The following RAI1 variants were observed in gnomAD, a reference collection of about 807,000 sequenced individuals.
RAI1 encodes retinoic acid-induced protein 1.
In RAI1, 9 loss-of-function variants were observed where a neutral mutation model predicts 123.8. The ratio of observed to expected loss-of-function variants is 0.07; its 90% confidence interval spans 0.04 to 0.13. The LOEUF is 0.13. Among genes scored for constraint, RAI1 ranks in the 10% least tolerant of loss-of-function variants. The probability of loss-of-function intolerance (pLI) is 1.00; values close to 1 mark genes in which losing one functional copy is unlikely to be tolerated. For missense variants in RAI1, 2,256 were observed against 2,545.8 expected, an observed-to-expected ratio of 0.89 and a Z score of 2.45; for synonymous variants, 1,231 against 1,127.3, an observed-to-expected ratio of 1.09 and a Z score of -1.84.
chr17:17,804,308 T>C (rs945270755), intron 4 of RAI1, among the ~76,000 whole-genome samples: 1 of 152,150 alleles, frequency 6.6e-6, no homozygotes, highest in African/African-American at 2.4e-5. Flanking sequence ...CTGAGACCCA[T>C]GGAGCAATTG....
At chr17:17,764,909 A>G (rs763054771) in intron 2 of RAI1, among the ~76,000 whole-genome samples, 1 of 152,208 alleles carries the variant, frequency 6.6e-6, no homozygotes, top group East Asian at 1.9e-4. Context: ...TTTACTATTT[A>G]TGAGACCTAT....
At position 17,809,144 on chromosome 17, in the gene RAI1, AG is replaced by A; in HGVS notation, c.5660-241del. 1.7e-6 allele frequency: 1 copy of A among 586,532 alleles called. No individual in the cohort carries two copies. The highest frequency in any genetic ancestry group is 3.1e-6 in the Non-Finnish European group (1 of 323,780). 36.3% of individuals were successfully genotyped at this position (586,532 alleles called of 1,614,324 possible). On this transcript the variant is annotated intron_variant, in intron 4 of 5. Coordinates refer to ENST00000353383, the MANE Select transcript of RAI1 (RefSeq NM_030665.4). This position sits in a 1 kb window ranked among gnomAD's most constrained non-coding sequence, Gnocchi z 4.9. ...TGAGGAGGGGCGGCACGTGGAACTCAGGGGGAAAAGCTCTCCGCGGAGGAGG... is the reference window on the plus strand; with the variant it reads ...TGAGGAGGGGCGGCACGTGGAACTCAGGGGAAAAGCTCTCCGCGGAGGAGG...
chr17:17,787,521 T>C (rs2031868784), intron 2 of RAI1, among the ~76,000 whole-genome samples: 1 of 152,216 alleles, frequency 6.6e-6, no homozygotes, highest in African/African-American at 2.4e-5. Context: ...GGTGAGCTCC[T>C]CCCGGCAGCC....
chr17:17,789,483 C>CTA (rs2031938678), intron 2 of RAI1, among the ~76,000 whole-genome samples: 2 of 152,212 alleles, frequency 1.3e-5, no homozygotes, highest in Admixed American at 1.3e-4. Flanking sequence ...CCTGTGAGAG[C>CTA]CGCTGGCCTT....
At chr17:17,745,405 T>TG (rs1555558993) in intron 2 of RAI1, among the ~76,000 whole-genome samples, 5 of 147,654 alleles carry the variant, frequency 3.4e-5, no homozygotes, top group African/African-American at 1.2e-4. Flanking sequence ...TTGAAGGCTT[T>TG]TGTGTGTGTG....
At position 17,793,072 on chromosome 17, in the gene RAI1, C is replaced by A; in HGVS notation, c.124C>A (p.Arg42=). ...GAGTCAGGCCGGGCTAAGCTGCGAC[C>A]GGCAGCGGCTGCTCGCCAAGGACTA... The part of the protein sequence containing the change: ...QPSQAGLSCD[R]QRLLAKDYYN... The change falls in exon 3 of 6, where the codon CGG becomes AGG. Residue 42 remains arginine, a synonymous_variant. Transcript: ENST00000353383. The A allele has an allele frequency of 6.2e-7, 1 of 1,613,898 alleles. No individual in the cohort carries two copies. Among genetic ancestry groups the A allele is most frequent in the Non-Finnish European group, 8.5e-7 (1 of 1,179,926 alleles).
chr17:17,758,130 C>T (rs550973084), intron 2 of RAI1, among the ~76,000 whole-genome samples: 1 of 152,328 alleles, frequency 6.6e-6, no homozygotes, highest in African/African-American at 2.4e-5. Context: ...ATTCCCCCTC[C>T]GAGCGTTTTA....
At chr17:17,807,644 C>T (rs907575478) in intron 4 of RAI1, among the ~76,000 whole-genome samples, 8 of 152,224 alleles carry the variant, frequency 5.3e-5, no homozygotes, top group South Asian at 2.1e-4. Flanking sequence ...ACTCCCGCCC[C>T]GTGCCCCATG....
In RAI1 at chr17:17,800,292, A is replaced by T. The variant is rs1265334632; in HGVS notation, c.5565+1779A>T. The stretch of plus-strand genomic sequence containing the variant: ...GTCTCTCCCGTCATCAAAAAATAAT[A>T]ACCCTCAGATCACCAGCCCCAGCTG... On this transcript the variant is annotated intron_variant, in intron 3 of 5. Coordinates refer to ENST00000353383, the MANE Select transcript of RAI1 (RefSeq NM_030665.4). The surrounding 1 kb of genome is among the most constrained non-coding windows in gnomAD (Gnocchi z 4.7). Among the ~76,000 whole-genome samples the T allele has an allele frequency of 6.6e-6, 1 of 150,438 alleles. No homozygotes were observed. The highest frequency in any genetic ancestry group is 1.5e-5 in the Non-Finnish European group (1 of 67,802).
chr17:17,780,036 A>G (rs899630571), intron 2 of RAI1, among the ~76,000 whole-genome samples: 24 of 142,186 alleles, frequency 1.7e-4, no homozygotes, highest in African/African-American at 6.3e-4. Context: ...CGGCCTCCCA[A>G]AGTGCTCGGA....
rs775570745 is a variant in RAI1 at position 17,798,088 on chromosome 17, A to C, written c.5140A>C (p.Lys1714Gln). Residue 1714 changes from lysine to glutamine, a missense_variant, in exon 3 of 6, where the codon AAA (lysine) becomes CAA (glutamine). Physicochemically the swap from Lys to Gln is moderately conservative, Grantham distance 53. Around this residue, in one of 7 missense-constraint regions of RAI1, gnomAD observed 243 missense variants for 316.6 expected, o/e 0.77. Transcript: ENST00000353383. ...GPYYPEHCLP[K>Q]KKPKLKEKVR... ...CTACTACCCTGAACACTGCCTCCCC[A>C]AAAAGAAGCCAAAACTCAAGGAGAA... The C allele has an allele frequency of 6.2e-7, 1 of 1,613,940 alleles. No homozygotes were observed. Among genetic ancestry groups the C allele is most frequent in the Non-Finnish European group, 8.5e-7 (1 of 1,180,026 alleles).
At chr17:17,792,884 C>T (rs1309274787) in intron 2 of RAI1, 49 bp from the exon 3 acceptor site, 3 of 738,418 alleles carry the variant, frequency 4.1e-6, no homozygotes, top group Middle Eastern at 3.3e-4. Context: ...CCTGCCCATC[C>T]TCCCCTCCCT....
intron 1 of RAI1, among the ~76,000 whole-genome samples, chr17:17,686,602 T>TGCGC (rs1555552144): frequency 1.4e-5 from 2 of 143,684 alleles, no homozygotes; most frequent in African/African-American, 5.4e-5. Flanking sequence ...TGTGTGTGTG[T>TGCGC]GTGTGTGCAC....
At chr17:17,774,909 C>T (rs1055871420) in intron 2 of RAI1, among the ~76,000 whole-genome samples, 19 of 152,254 alleles carry the variant, frequency 1.2e-4, no homozygotes, top group African/African-American at 4.1e-4. Context: ...TGCCCAAGCC[C>T]CCACAGCAAG....
intron 2 of RAI1, chr17:17,759,238 A>C (rs1198433502): frequency 3.3e-5 from 5 of 152,288 alleles, no homozygotes; most frequent in Admixed American, 1.3e-4. Flanking sequence ...AGAGAAGAAG[A>C]AGCGGGCAGG....
chr17:17,806,080 G>A (rs537951989), intron 4 of RAI1, among the ~76,000 whole-genome samples: 26 of 152,358 alleles, frequency 1.7e-4, no homozygotes, highest in African/African-American at 3.1e-4. Context: ...TGAGTGGGAC[G>A]GACAGCAAAA....
chr17:17,753,039 G>A (rs906144568), intron 2 of RAI1, among the ~76,000 whole-genome samples: 1 of 152,248 alleles, frequency 6.6e-6, no homozygotes, highest in Non-Finnish European at 1.5e-5. Context: ...AAGGGAGACA[G>A]ATGTGCCTTC....
chr17:17,810,972 CG>C lies in RAI1; in HGVS notation c.*992del. The stretch of plus-strand genomic sequence containing the variant: ...CATGCTCGCTTCTCCCGTGTGTCGC[CG>C]CCGTGCGTCGTGCGCCCGCAACAGA... On this transcript the variant is annotated 3_prime_UTR_variant, in exon 6 of 6. Coordinates refer to ENST00000353383, the MANE Select transcript of RAI1 (RefSeq NM_030665.4). This position sits in a 1 kb window ranked among gnomAD's most constrained non-coding sequence, Gnocchi z 4.6. The C allele has an allele frequency of 6.2e-6, 2 of 322,364 alleles. No homozygotes were observed. The highest frequency in any genetic ancestry group is 1.3e-5 in the Non-Finnish European group (2 of 158,276). 20.0% of individuals were successfully genotyped at this position (322,364 alleles called of 1,614,324 possible). A position where few individuals can be genotyped will look rare whatever the true frequency, so the allele number is the denominator to read the frequency against.
At chr17:17,748,780 G>A (rs757188587) in intron 2 of RAI1, among the ~76,000 whole-genome samples, 3 of 152,158 alleles carry the variant, frequency 2.0e-5, no homozygotes, top group Non-Finnish European at 4.4e-5. Context: ...GAGCAGAGGC[G>A]AGCCTGAAAG....
Sources: allele counts gnomAD v4.1 joint callset (sites outside exome capture counted in the v4.1 genomes callset), GRCh38; gene constraint gnomAD v4.1.1; regional missense constraint gnomAD v4.1.1; non-coding constraint Gnocchi (gnomAD v3.1); transcripts MANE v1.5; gene names NCBI Gene and HGNC (gene_info 2026-07-23, HGNC 2026-07-21).